SIAH2: variants seen among roughly 807,000 people sequenced by gnomAD.
The protein encoded by SIAH2 is E3 ubiquitin-protein ligase SIAH2.
A neutral mutation model predicts 20.4 loss-of-function variants in SIAH2; 4 were observed. That is an observed-to-expected ratio of 0.20 (90% CI 0.10 to 0.45). The LOEUF is 0.45. SIAH2 is among the 20% of genes least tolerant of loss of function. The probability of loss-of-function intolerance (pLI) is 0.99; values close to 1 mark genes in which losing one functional copy is unlikely to be tolerated. For missense variants in SIAH2, 259 were observed against 440.3 expected, an observed-to-expected ratio of 0.59 and a Z score of 3.69; for synonymous variants, 171 against 192.5, an observed-to-expected ratio of 0.89 and a Z score of 0.93.
At chr3:150,752,397 T>A (rs1175947956) in intron 1 of SIAH2, among the ~76,000 whole-genome samples, 1 of 152,192 alleles carries the variant, frequency 6.6e-6, no homozygotes, top group Non-Finnish European at 1.5e-5. Context: ...TCACCTGAGG[T>A]CAGGAGTTCG....
chr3:150,758,449 C>CT (rs1247219596), intron 1 of SIAH2, among the ~76,000 whole-genome samples: 1 of 151,886 alleles, frequency 6.6e-6, no homozygotes, highest in African/African-American at 2.4e-5. Context: ...AACCCACACA[C>CT]TGAAGGGGTG....
intron 1 of SIAH2, among the ~76,000 whole-genome samples, chr3:150,754,576 T>G (rs1714443415): frequency 6.6e-6 from 1 of 152,132 alleles, no homozygotes. Flanking sequence ...TTTGTTTTTG[T>G]TTTTGTTTTT....
intron 1 of SIAH2, among the ~76,000 whole-genome samples, chr3:150,759,828 C>G (rs1015627563): frequency 3.9e-5 from 6 of 152,142 alleles, no homozygotes; most frequent in Admixed American, 2.0e-4. Flanking sequence ...AGAAGTCAAG[C>G]AGATTCATCT....
chr3:150,742,636 T>A lies in SIAH2; in HGVS notation c.480A>T (p.Ile160=). ...GGCAGGAGTAGGGACGGTATTCACATATGTCTTCATGTTCTGGTTTCTCCG... is the reference window on the plus strand; with the variant it reads ...GGCAGGAGTAGGGACGGTATTCACAAATGTCTTCATGTTCTGGTTTCTCCG... ...HHTEKPEHED[I]CEYRPYSCPC... Residue 160 remains isoleucine (I), a synonymous_variant, in exon 2 of 2, where the codon ATA becomes ATT. Transcript: ENST00000312960. The surrounding 1 kb of genome is among the most constrained non-coding windows in gnomAD (Gnocchi z 4.8). 1 of 1,596,988 alleles carries A rather than the reference T, an allele frequency of 6.3e-7. No individual in the cohort carries two copies. Among genetic ancestry groups the A allele is most frequent in the Non-Finnish European group, 8.5e-7 (1 of 1,170,584 alleles).
chr3:150,761,847 C>T (rs1216980202), intron 1 of SIAH2: 1 of 152,820 alleles, frequency 6.5e-6, no homozygotes, highest in East Asian at 1.9e-4. Flanking sequence ...TCAGTCCTTC[C>T]CAGTCTTTGG....
intron 1 of SIAH2, among the ~76,000 whole-genome samples, chr3:150,745,240 T>TACACACACACACACACACACACACAC (rs5853495): frequency 1.4e-5 from 2 of 140,562 alleles, no homozygotes; most frequent in South Asian, 2.3e-4. Flanking sequence ...TTTAACCCCC[T>TACACACACACACACACACACACACAC]ACACACACAC....
intron 1 of SIAH2, among the ~76,000 whole-genome samples, chr3:150,745,128 A>C (rs1341727365): frequency 6.6e-6 from 1 of 152,120 alleles, no homozygotes; most frequent in Non-Finnish European, 1.5e-5. Context: ...TTACTGAACA[A>C]GCAGAACTTT....
chr3:150,757,040 C>G (rs1714499068), intron 1 of SIAH2, among the ~76,000 whole-genome samples: 1 of 152,148 alleles, frequency 6.6e-6, no homozygotes, highest in South Asian at 2.1e-4. Flanking sequence ...CCCAATACCC[C>G]CCATATTCCA....
intron 1 of SIAH2, among the ~76,000 whole-genome samples, chr3:150,755,212 T>A (rs60092981): frequency 0.078 from 11,836 of 151,954 alleles, 905 homozygotes; most frequent in East Asian, 0.34. Context: ...GTTAGAGGGA[T>A]CCTGGGGGTA....
intron 1 of SIAH2, among the ~76,000 whole-genome samples, chr3:150,753,569 G>C (rs898398014): frequency 6.6e-6 from 1 of 152,158 alleles, no homozygotes; most frequent in Non-Finnish European, 1.5e-5. Flanking sequence ...AGCTGAAGCC[G>C]AATCACTTGA....
Position 150,748,437 on chromosome 3 carries a change from A to G in SIAH2, c.418-5739T>C, listed in dbSNP as rs79546629. Among the ~76,000 whole-genome samples the G allele has an allele frequency of 1.6e-3, 251 of 152,368 alleles. 3 individuals are homozygous for G. The East Asian group carries it at 0.037, about 23-fold the overall frequency. ...AGGTCATGGATGCTGTCACTGGTTT[A>G]GAACAAGTCACTTAACCTATTTAAT... On this transcript the variant is annotated intron_variant, in intron 1 of 1. Coordinates refer to ENST00000312960, the MANE Select transcript of SIAH2 (RefSeq NM_005067.7).
chr3:150,745,638 G>A (rs1188364725), intron 1 of SIAH2, among the ~76,000 whole-genome samples: 5 of 152,076 alleles, frequency 3.3e-5, no homozygotes, highest in African/African-American at 1.2e-4. Context: ...TGGGACTACA[G>A]GTGCCTGCCA....
In SIAH2 at chr3:150,742,351, G is replaced by T. The variant is rs201754591; in HGVS notation, c.765C>A (p.Arg255=). Residue 255 remains arginine, a synonymous_variant, in exon 2 of 2, where the codon CGC becomes CGA. Coordinates refer to ENST00000312960, the MANE Select transcript of SIAH2 (RefSeq NM_005067.7). The surrounding 1 kb of genome is among the most constrained non-coding windows in gnomAD (Gnocchi z 4.8). ...TGTAGGCAAAGTTCTCGGCTTGCTT[G>T]CGGGTGCCAATGAGCAGGACGATGG... ...FFAIVLLIGT[R]KQAENFAYRL... The T allele has an allele frequency of 6.8e-5, 110 of 1,614,142 alleles. No individual in the cohort carries two copies. The African/African-American group carries it at 1.3e-3, about 19-fold the overall frequency.
chr3:150,742,744 TC>T lies in SIAH2; in HGVS notation c.418-47del. On this transcript the variant is annotated intron_variant, in intron 1 of 1. Coordinates refer to ENST00000312960, the MANE Select transcript of SIAH2 (RefSeq NM_005067.7). This position sits in a 1 kb window ranked among gnomAD's most constrained non-coding sequence, Gnocchi z 4.8. ...TGAGCCATTGGGCCTTCTCAAAACTTCTATTGCTTCAACCCTCTATGAGTAC... is the reference window on the plus strand; with the variant it reads ...TGAGCCATTGGGCCTTCTCAAAACTTTATTGCTTCAACCCTCTATGAGTAC... The T allele has an allele frequency of 6.8e-7, 1 of 1,477,856 alleles. No individual in the cohort carries two copies. Among genetic ancestry groups the T allele is most frequent in the Non-Finnish European group, 9.1e-7 (1 of 1,101,634 alleles). The allele number at this position is 1,477,856 out of a possible 1,614,324, so 91.5% of individuals were successfully genotyped here.
At chr3:150,748,408 G>A in intron 1 of SIAH2, among the ~76,000 whole-genome samples, 1 of 152,218 alleles carries the variant, frequency 6.6e-6, no homozygotes, top group East Asian at 1.9e-4. Flanking sequence ...CATGGTGCTA[G>A]TGAAGGTCAT....
chr3:150,757,336 C>CA (rs1205694179), intron 1 of SIAH2, among the ~76,000 whole-genome samples: 1 of 151,980 alleles, frequency 6.6e-6, no homozygotes, highest in South Asian at 2.1e-4. Flanking sequence ...CCCTCAGGTG[C>CA]AAAAAAGAAA....
chr3:150,748,646 A>G (rs1297946955), intron 1 of SIAH2, among the ~76,000 whole-genome samples: 2 of 152,240 alleles, frequency 1.3e-5, no homozygotes, highest in African/African-American at 2.4e-5. Flanking sequence ...AATACCTGCT[A>G]GCACCTCAAA....
In SIAH2 at chr3:150,762,354, C is replaced by T; in HGVS notation, c.417+79G>A. 6.6e-7 allele frequency: 1 copy of T among 1,518,464 alleles called. No individual in the cohort carries two copies. The highest frequency in any genetic ancestry group is 2.5e-5 in the East Asian group (1 of 40,566). 94.1% of individuals were successfully genotyped at this position (1,518,464 alleles called of 1,614,324 possible). ...TAAATGAGAGATGCCGCCCGCCTCT[C>T]CGGGCCTGCGAGTGGGCTGGCGGAT... On this transcript the variant is annotated intron_variant, in intron 1 of 1. Coordinates refer to ENST00000312960, the MANE Select transcript of SIAH2 (RefSeq NM_005067.7). The surrounding 1 kb of genome is among the most constrained non-coding windows in gnomAD (Gnocchi z 6.6).
At chr3:150,754,436 G>A (rs943988316) in intron 1 of SIAH2, among the ~76,000 whole-genome samples, 8 of 152,160 alleles carry the variant, frequency 5.3e-5, no homozygotes, top group Non-Finnish European at 8.8e-5. Context: ...ATAGTGCTAA[G>A]CCATTCATGA....
Sources: gnomAD v4.1 joint callset for allele counts (sites outside exome capture counted in the v4.1 genomes callset) on GRCh38, gnomAD v4.1.1 for gene constraint, Gnocchi (gnomAD v3.1) non-coding constraint, MANE v1.5 for transcripts, NCBI Gene and HGNC (gene_info 2026-07-23, HGNC 2026-07-21) for gene names.